Variants in PRKCZ observed in about 807,000 individuals in gnomAD.
The protein encoded by PRKCZ is protein kinase C zeta type.
Under a neutral mutation model 79.5 loss-of-function variants are expected in PRKCZ, and 33 were observed. That is an observed-to-expected ratio of 0.41 (90% CI 0.31 to 0.55). The LOEUF (loss-of-function observed/expected upper bound fraction) is 0.55, where lower values mean the gene tolerates loss of function less well. Ranked by LOEUF, PRKCZ falls within the 20% of genes least tolerant of loss-of-function variation. The probability of loss-of-function intolerance (pLI) is 0.19; values close to 1 mark genes in which losing one functional copy is unlikely to be tolerated. For synonymous variants in PRKCZ, 342 were observed against 320.9 expected, an observed-to-expected ratio of 1.07 and a Z score of -0.70; for missense variants, 578 against 813.5, an observed-to-expected ratio of 0.71 and a Z score of 3.52.
intron 4 of PRKCZ, among the ~76,000 whole-genome samples, chr1:2,123,669 T>G (rs1673044250): frequency 1.4e-5 from 1 of 70,680 alleles, no homozygotes; most frequent in Non-Finnish European, 2.6e-5. Context: ...ACGGTGGTGG[T>G]TAGGGTCACG....
At position 2,144,290 on chromosome 1, in the gene PRKCZ, G is replaced by A; in HGVS notation, c.501G>A (p.Leu167=). 4 of 1,568,698 alleles carry A rather than the reference G, an allele frequency of 2.5e-6. No individual in the cohort carries two copies. The highest frequency in any genetic ancestry group is 2.6e-6 in the Non-Finnish European group (3 of 1,156,006). The change falls in exon 6 of 18, where the codon CTG becomes CTA. Residue 167 remains leucine, a synonymous_variant. Transcript: ENST00000378567. ...QGYRCINCKL[L]VHKRCHGLVP... The stretch of plus-strand genomic sequence containing the variant: ...ACAGGTGCATCAACTGCAAACTGCT[G>A]GTCCATAAGCGCTGCCACGGCCTCG...
intron 4 of PRKCZ, among the ~76,000 whole-genome samples, chr1:2,070,171 T>C (rs1161895756): frequency 6.6e-6 from 1 of 152,002 alleles, no homozygotes; most frequent in East Asian, 1.9e-4. Context: ...GTGCATTTCA[T>C]GTTGTTGGTT....
chr1:2,143,668 T>TA, intron 5 of PRKCZ: 1 of 152,568 alleles, frequency 6.6e-6, no homozygotes, highest in Middle Eastern at 3.4e-3. Context: ...AAGGATCATT[T>TA]AAAATCTTGA....
In PRKCZ at chr1:2,178,786, T is replaced by A. The variant is rs896556266; in HGVS notation, c.1575+3473T>A. 6.6e-6 allele frequency among the ~76,000 whole-genome samples: 1 copy of A among 152,184 alleles called. No homozygotes were observed. Among genetic ancestry groups the A allele is most frequent in the Non-Finnish European group, 1.5e-5 (1 of 68,018 alleles). Reference sequence around the variant, plus strand: ...GTGGGAGTGGGGCACGTGTGAGGCCTTGGTCCCCACCTGTGGACTCAGGGT... The same window carrying A: ...GTGGGAGTGGGGCACGTGTGAGGCCATGGTCCCCACCTGTGGACTCAGGGT... On this transcript the variant is annotated intron_variant, in intron 16 of 17. Transcript: ENST00000378567. This position sits in a 1 kb window ranked among gnomAD's most constrained non-coding sequence, Gnocchi z 4.3.
intron 4 of PRKCZ, among the ~76,000 whole-genome samples, chr1:2,062,543 G>A (rs1311591766): frequency 6.7e-6 from 1 of 150,116 alleles, no homozygotes; most frequent in Non-Finnish European, 1.5e-5. Flanking sequence ...CCAGGCTGGA[G>A]TGCATGGTAC....
intron 10 of PRKCZ, among the ~76,000 whole-genome samples, chr1:2,160,999 C>CACAGCAAGG (rs983596225): frequency 6.6e-6 from 1 of 152,134 alleles, no homozygotes; most frequent in African/African-American, 2.4e-5. Flanking sequence ...CAGTGGGTGC[C>CACAGCAAGG]ACAGCAAGGA....
rs1171983855 is a variant in PRKCZ at position 2,168,842 on chromosome 1, G to T, written c.975-676G>T. 4.6e-6 allele frequency: 1 copy of T among 215,522 alleles called. No homozygotes were observed. The highest frequency in any genetic ancestry group is 2.3e-5 in the African/African-American group (1 of 43,452). The allele number at this position is 215,522 out of a possible 1,614,324, so 13.4% of individuals were successfully genotyped here. A position where few individuals can be genotyped will look rare whatever the true frequency, so the allele number is the denominator to read the frequency against. ...AGGGTATTTCTGGGAGATTGTATGA[G>T]AATTTAATTTTGAAAATTGAGTCTC... On this transcript the variant is annotated intron_variant, in intron 10 of 17. Coordinates refer to ENST00000378567, the MANE Select transcript of PRKCZ (RefSeq NM_002744.6). This position sits in a 1 kb window ranked among gnomAD's most constrained non-coding sequence, Gnocchi z 4.7.
rs548192774 is a variant in PRKCZ at position 2,095,212 on chromosome 1, C to G, written c.334+35621C>G. Among the ~76,000 whole-genome samples the G allele has an allele frequency of 4.4e-4, 67 of 152,302 alleles. 1 individual carries two copies. Among genetic ancestry groups the G allele is most frequent in the African/African-American group, 1.5e-3 (62 of 41,530 alleles). The stretch of plus-strand genomic sequence containing the variant: ...CTGGTTGTCTCCTTTCCAGACCCTT[C>G]TAGGTCTGCGTTGGCCTGGCTGGTT... On this transcript the variant is annotated intron_variant, in intron 4 of 17. Coordinates refer to ENST00000378567, the MANE Select transcript of PRKCZ (RefSeq NM_002744.6).
chr1:2,084,951 G>A (rs1664214156), intron 4 of PRKCZ, among the ~76,000 whole-genome samples: 3 of 152,102 alleles, frequency 2.0e-5, no homozygotes, highest in Admixed American at 2.0e-4. Context: ...CGAGGCTGCA[G>A]TGAGCTGAGA....
At chr1:2,122,533 A>ACGG (rs1672529427) in intron 4 of PRKCZ, among the ~76,000 whole-genome samples, 1 of 7,640 alleles carries the variant, frequency 1.3e-4, no homozygotes, top group South Asian at 6.7e-3. Context: ...GGTTAGGGTC[A>ACGG]TGGTGGTGGT....
intron 4 of PRKCZ, among the ~76,000 whole-genome samples, chr1:2,081,790 T>C (rs1663571312): frequency 6.6e-6 from 1 of 151,924 alleles, no homozygotes; most frequent in Non-Finnish European, 1.5e-5. Context: ...GGCACCAAGC[T>C]CAGGCACGCC....
At chr1:2,124,577 C>T (rs536306955) in intron 4 of PRKCZ, among the ~76,000 whole-genome samples, 6 of 152,230 alleles carry the variant, frequency 3.9e-5, no homozygotes, top group Non-Finnish European at 7.4e-5. Flanking sequence ...CCTGCAGGTT[C>T]CGTCATCCTG....
chr1:2,075,489 C>G lies in PRKCZ; in HGVS notation c.334+15898C>G, dbSNP rs557737036. ...GGCTGTGGTACCTGTGTCTGTGTCT[C>G]GGCCAGATCGGCACACATCTTCCGC... On this transcript the variant is annotated intron_variant, in intron 4 of 17. Coordinates refer to ENST00000378567, the MANE Select transcript of PRKCZ (RefSeq NM_002744.6). The surrounding 1 kb of genome is among the most constrained non-coding windows in gnomAD (Gnocchi z 4.8). 1 of 152,194 alleles carries G rather than the reference C, an allele frequency of 6.6e-6. No homozygotes were observed. The highest frequency in any genetic ancestry group is 1.5e-5 in the Non-Finnish European group (1 of 68,070). The allele number at this position is 152,194 out of a possible 1,614,324, so 9.4% of individuals were successfully genotyped here. A position where few individuals can be genotyped will look rare whatever the true frequency, so the allele number is the denominator to read the frequency against.
In PRKCZ at chr1:2,178,170, C is replaced by T. The variant is rs1199017251; in HGVS notation, c.1575+2857C>T. Among the ~76,000 whole-genome samples the T allele has an allele frequency of 6.6e-6, 1 of 152,224 alleles. No individual in the cohort carries two copies. Among genetic ancestry groups the T allele is most frequent in the Admixed American group, 6.5e-5 (1 of 15,288 alleles). ...GACGTCATCGCGATCACTTTCATCA[C>T]CCTGTACCCAGAGAAGACCCGAACC... On this transcript the variant is annotated intron_variant, in intron 16 of 17. Transcript: ENST00000378567. The surrounding 1 kb of genome is among the most constrained non-coding windows in gnomAD (Gnocchi z 4.3).
chr1:2,166,765 C>G (rs780135954), intron 10 of PRKCZ, among the ~76,000 whole-genome samples: 1 of 152,206 alleles, frequency 6.6e-6, no homozygotes, highest in Admixed American at 6.5e-5. Flanking sequence ...GCTGTGCTTC[C>G]CAGCATCCCT....
intron 4 of PRKCZ, among the ~76,000 whole-genome samples, chr1:2,102,533 T>A (rs7556569): frequency 6.6e-6 from 1 of 151,560 alleles, no homozygotes; most frequent in Admixed American, 6.6e-5. Flanking sequence ...GGGGTTTCAC[T>A]GTGTTAGCCG....
At position 2,172,538 on chromosome 1, in the gene PRKCZ, C is replaced by T. The variant is rs888324666; in HGVS notation, c.1285+150C>T. Reference sequence around the variant, plus strand: ...CCAGCCGGATGTCATCATCTGGCCTCAGCCCCTTATTTGAATTCTGGAAAA... The same window carrying T: ...CCAGCCGGATGTCATCATCTGGCCTTAGCCCCTTATTTGAATTCTGGAAAA... On this transcript the variant is annotated intron_variant, in intron 13 of 17. Transcript: ENST00000378567. The surrounding 1 kb of genome is among the most constrained non-coding windows in gnomAD (Gnocchi z 7.8). 6 of 956,718 alleles carry T rather than the reference C, an allele frequency of 6.3e-6. No individual in the cohort carries two copies. The African/African-American group carries it at 1.0e-4, about 16-fold the overall frequency. 59.3% of individuals were successfully genotyped at this position (956,718 alleles called of 1,614,324 possible). A position where few individuals can be genotyped will look rare whatever the true frequency, so the allele number is the denominator to read the frequency against.
intron 4 of PRKCZ, among the ~76,000 whole-genome samples, chr1:2,109,322 G>A (rs1028278791): frequency 6.6e-6 from 1 of 152,192 alleles, no homozygotes; most frequent in African/African-American, 2.4e-5. Flanking sequence ...ACTGCCGGAC[G>A]CGCAGGGGCG....
chr1:2,050,776 T>C, intron 1 of PRKCZ, 75 bp downstream of exon 1: 1 of 964,846 alleles, frequency 1.0e-6, no homozygotes, highest in Non-Finnish European at 1.3e-6. Context: ...TCGGGGCTCC[T>C]GCGCGAGAGG....
Sources: gnomAD v4.1 joint callset for allele counts (sites outside exome capture counted in the v4.1 genomes callset) on GRCh38, gnomAD v4.1.1 for gene constraint, Gnocchi (gnomAD v3.1) non-coding constraint, MANE v1.5 for transcripts, NCBI Gene and HGNC (gene_info 2026-07-23, HGNC 2026-07-21) for gene names.